ACSM6: variants seen among roughly 807,000 people sequenced by gnomAD.
The protein encoded by ACSM6 is acyl-coenzyme A synthetase ACSM6, mitochondrial.
Under a neutral mutation model 51.1 loss-of-function variants are expected in ACSM6, and 35 were observed. The ratio of observed to expected loss-of-function variants is 0.69; its 90% CI spans 0.52 to 0.91. ACSM6 has a LOEUF of 0.91. Ranked by LOEUF, ACSM6 falls within the 40% of genes least tolerant of loss-of-function variation. The pLI, the probability that ACSM6 is intolerant of heterozygous loss-of-function variation, is 0.00. For missense variants in ACSM6, 509 were observed against 584.1 expected (o/e 0.87, Z 1.32); for synonymous variants, 172 against 207.3 (o/e 0.83, Z 1.46).
At chr10:95,197,108 G>T (rs557473244) in intron 2 of ACSM6, among the ~76,000 whole-genome samples, 1 of 152,176 alleles carries the variant, frequency 6.6e-6, no homozygotes, top group Non-Finnish European at 1.5e-5. Flanking sequence ...TCGTGTGGTA[G>T]GGTGTGTTTC....
At chr10:95,213,965 G>T (rs2034920248) in intron 7 of ACSM6, among the ~76,000 whole-genome samples, 2 of 152,108 alleles carry the variant, frequency 1.3e-5, no homozygotes, top group Non-Finnish European at 2.9e-5. Flanking sequence ...ATTAAATATG[G>T]TATATCTTTA....
chr10:95,218,027 G>GT (rs1403859611), intron 8 of ACSM6, among the ~76,000 whole-genome samples: 2 of 152,226 alleles, frequency 1.3e-5, no homozygotes, highest in African/African-American at 4.8e-5. Context: ...TCATTGCATT[G>GT]TATTTCCCCA....
At chr10:95,208,628 C>A (rs976125224) in intron 4 of ACSM6, among the ~76,000 whole-genome samples, 3 of 152,120 alleles carry the variant, frequency 2.0e-5, no homozygotes, top group African/African-American at 7.2e-5. Context: ...GGTCAACTAC[C>A]GTCCAAAATA....
chr10:95,214,022 A>G (rs1041087270), intron 7 of ACSM6, among the ~76,000 whole-genome samples: 2 of 152,192 alleles, frequency 1.3e-5, no homozygotes, highest in African/African-American at 4.8e-5. Flanking sequence ...TATTTCTTAA[A>G]CCCTTAAAAG....
At chr10:95,210,408 G>T (rs906915649) in intron 4 of ACSM6, among the ~76,000 whole-genome samples, 1 of 152,064 alleles carries the variant, frequency 6.6e-6, no homozygotes, top group Non-Finnish European at 1.5e-5. Flanking sequence ...AATAAAGAGG[G>T]TCTTTTACTG....
intron 2 of ACSM6, among the ~76,000 whole-genome samples, chr10:95,198,118 A>C (rs1367626566): frequency 6.6e-6 from 1 of 152,202 alleles, no homozygotes; most frequent in African/African-American, 2.4e-5. Flanking sequence ...ACATCTCAGC[A>C]AAGCAATTGT....
chr10:95,227,585 C>T (rs912052084), intron 10 of ACSM6, among the ~76,000 whole-genome samples: 4 of 152,214 alleles, frequency 2.6e-5, no homozygotes, highest in African/African-American at 9.6e-5. Flanking sequence ...TGTTCTCACC[C>T]ATAAGACAGA....
chr10:95,200,419 G>A (rs566666572), intron 2 of ACSM6, among the ~76,000 whole-genome samples: 21 of 151,598 alleles, frequency 1.4e-4, no homozygotes, highest in Non-Finnish European at 2.5e-4. Flanking sequence ...AATGGGTGCC[G>A]CACACCAACA....
chr10:95,228,508 G>A, intron 10 of ACSM6, 136 bp from the exon 11 acceptor site: 1 of 780,884 alleles, frequency 1.3e-6, no homozygotes, highest in Middle Eastern at 4.1e-4. Context: ...TTTTCTATGT[G>A]AGATCCCCTG....
rs559991600 is a variant in ACSM6 at position 95,197,982 on chromosome 10, C to A, written c.192+3305C>A. On this transcript the variant is annotated intron_variant, in intron 2 of 10. Coordinates refer to ENST00000341686, the Ensembl canonical transcript of ACSM6. ...ATACTGCTTGTAAACATTTTGTTAA[C>A]AAGGCACGTCCTGCACAACCCTAGA... Among the ~76,000 whole-genome samples, 21 of 152,354 alleles carry A rather than the reference C, an allele frequency of 1.4e-4. No homozygotes were observed. The South Asian group carries it at 3.9e-3, about 29-fold the overall frequency.
At chr10:95,196,109 T>G (rs2034722521) in intron 2 of ACSM6, among the ~76,000 whole-genome samples, 2 of 152,170 alleles carry the variant, frequency 1.3e-5, no homozygotes, top group Non-Finnish European at 2.9e-5. Context: ...TGGGTCCCAG[T>G]AAGATTCTAG....
At chr10:95,214,287 G>C (rs2034922276) in intron 7 of ACSM6, among the ~76,000 whole-genome samples, 1 of 152,084 alleles carries the variant, frequency 6.6e-6, no homozygotes, top group African/African-American at 2.4e-5. Context: ...AAAAAGTTTT[G>C]CTATAATCTT....
At chr10:95,225,347 C>A in exon 10 of ACSM6, 2 of 1,551,612 alleles carry the variant, frequency 1.3e-6, no homozygotes, top group East Asian at 2.4e-5. Context: ...TATTGCAATC[C>A]GCATAAAACT....
At chr10:95,212,807 G>T in intron 6 of ACSM6, 51 bp from the exon 7 acceptor site, 2 of 1,426,686 alleles carry the variant, frequency 1.4e-6, no homozygotes, top group South Asian at 2.3e-5. Flanking sequence ...CAGTCTCACT[G>T]TCTCTCCCAC....
chr10:95,202,197 T>A lies in ACSM6; in HGVS notation c.403+2T>A. 1 of 1,551,578 alleles carries A rather than the reference T, an allele frequency of 6.4e-7. No homozygotes were observed. The highest frequency in any genetic ancestry group is 8.7e-7 in the Non-Finnish European group (1 of 1,146,914). The stretch of plus-strand genomic sequence containing the variant: ...TCTGCCTGGCCTGTGTGCGCTTGGG[T>A]GAGGCATGGGAGACGGACCCCAGGG... On this transcript the variant is annotated splice_donor_variant, in intron 3 of 10. Coordinates refer to ENST00000341686, the Ensembl canonical transcript of ACSM6. LOFTEE classifies it high-confidence loss of function.
At chr10:95,226,203 A>G (rs2035037144) in intron 10 of ACSM6, 1 of 152,202 alleles carries the variant, frequency 6.6e-6, no homozygotes, top group African/African-American at 2.4e-5. Context: ...TAAATATCCT[A>G]TTCTCCAATT....
intron 2 of ACSM6, 36 bp downstream of exon 2, chr10:95,194,713 C>T: frequency 6.6e-7 from 1 of 1,523,004 alleles, no homozygotes; most frequent in Non-Finnish European, 8.9e-7. Flanking sequence ...GAAACTTTGG[C>T]CAAGGCCAGT....
intron 3 of ACSM6, among the ~76,000 whole-genome samples, chr10:95,204,719 T>C (rs962924458): frequency 2.0e-5 from 3 of 152,032 alleles, no homozygotes; most frequent in African/African-American, 7.2e-5. Flanking sequence ...CCATTAAAAA[T>C]TGAAATGTTA....
At chr10:95,204,466 A>G in intron 3 of ACSM6, among the ~76,000 whole-genome samples, 1 of 152,126 alleles carries the variant, frequency 6.6e-6, no homozygotes, top group Admixed American at 6.5e-5. Flanking sequence ...AGGCAGGAGA[A>G]TCGCTTGAAC....
Sources: allele counts gnomAD v4.1 joint callset (sites outside exome capture counted in the v4.1 genomes callset), GRCh38; gene constraint gnomAD v4.1.1; transcripts MANE v1.5; gene names NCBI Gene and HGNC (gene_info 2026-07-23, HGNC 2026-07-21).